HERC2: variants seen among roughly 807,000 people sequenced by gnomAD.
HERC2 encodes the protein HECT and RLD domain containing E3 ubiquitin protein ligase 2, also known as E3 ubiquitin-protein ligase HERC2.
HERC2 carries 102 observed loss-of-function variants against 537.7 expected under a neutral mutation model. The ratio of observed to expected loss-of-function variants is 0.19; its 90% CI spans 0.16 to 0.22. The LOEUF (loss-of-function observed/expected upper bound fraction) is 0.22, where lower values mean the gene tolerates loss of function less well. Among genes scored for constraint, HERC2 ranks in the 10% least tolerant of loss-of-function variants. The pLI is 1.00. For missense variants in HERC2, 4,236 were observed against 6,198.2 expected, an observed-to-expected ratio of 0.68 and a Z score of 10.63; for synonymous variants, 2,224 against 2,466.2, an observed-to-expected ratio of 0.90 and a Z score of 2.91.
At chr15:28,159,744 TCTC>T (rs1417757756) in intron 69 of HERC2, among the ~76,000 whole-genome samples, 1 of 152,226 alleles carries the variant, frequency 6.6e-6, no homozygotes, top group Non-Finnish European at 1.5e-5. Context: ...TCAAAGTCAT[TCTC>T]CTTCCAGCTT....
chr15:28,271,915 C>T, intron 9 of HERC2: 1 of 405,312 alleles, frequency 2.5e-6, no homozygotes, highest in Non-Finnish European at 4.4e-6. Flanking sequence ...TGCACAGAGC[C>T]CAGTACATAG....
intron 26 of HERC2, among the ~76,000 whole-genome samples, chr15:28,235,979 A>AGT (rs1185235117): frequency 6.6e-6 from 1 of 152,216 alleles, no homozygotes; most frequent in Non-Finnish European, 1.5e-5. Context: ...ATCCTGAAAT[A>AGT]TAACTGACTT....
In HERC2 at chr15:28,229,507, C is replaced by T. The variant is rs370408128; in HGVS notation, c.5073G>A (p.Ala1691=). The part of the protein sequence containing the change: ...KNFLLPSVQY[A]MFCGWQRLIP... ...TAAGTCTTTGCCATCCACAAAACAT[C>T]GCATACTGCACAGATGGAAGTAAGA... Residue 1691 remains alanine (A), a synonymous_variant, in exon 33 of 93, where the codon GCG becomes GCA. Coordinates refer to ENST00000261609, the MANE Select transcript of HERC2 (RefSeq NM_004667.6). The T allele has an allele frequency of 1.7e-5, 27 of 1,613,780 alleles. No individual in the cohort carries two copies. The highest frequency in any genetic ancestry group is 1.1e-4 in the East Asian group (5 of 44,886).
chr15:28,197,992 A>G (rs1897514456), intron 50 of HERC2, among the ~76,000 whole-genome samples: 1 of 152,162 alleles, frequency 6.6e-6, no homozygotes, highest in Non-Finnish European at 1.5e-5. Context: ...ACCAATCATG[A>G]CGTTAGCATG....
Position 28,184,689 on chromosome 15 carries a change from G to A in HERC2, c.8825+1888C>T, listed in dbSNP as rs575610570. Among the ~76,000 whole-genome samples, 27 of 151,618 alleles carry A rather than the reference G, an allele frequency of 1.8e-4. No homozygotes were observed. The East Asian group carries it at 4.0e-3, about 22-fold the overall frequency. On this transcript the variant is annotated intron_variant, in intron 56 of 92. Coordinates refer to ENST00000261609, the MANE Select transcript of HERC2 (RefSeq NM_004667.6). ...ATCCTGGCTAACACGGTGAAAGCCC[G>A]TCTCTACTAAAAATACAAAAAAATT...
chr15:28,178,930 T>C lies in HERC2; in HGVS notation c.9120A>G (p.Thr3040=). Residue 3040 remains threonine (T), a synonymous_variant, in exon 59 of 93, where the codon ACA becomes ACG. Transcript: ENST00000261609. ...TCTTGACCACGTAGCTGCTGAGAGCTGTGATCTGCCGTGGGATGGGCACCG... is the reference window on the plus strand; with the variant it reads ...TCTTGACCACGTAGCTGCTGAGAGCCGTGATCTGCCGTGGGATGGGCACCG... ...SGTVPIPRQI[T]ALSSYVVKKV... is the part of the protein sequence containing the mutation. 3 of 1,614,172 alleles carry C rather than the reference T, an allele frequency of 1.9e-6. No homozygotes were observed. The highest frequency in any genetic ancestry group is 2.5e-6 in the Non-Finnish European group (3 of 1,180,038).
At chr15:28,287,254 TAG>T (rs2076180888) in intron 4 of HERC2, among the ~76,000 whole-genome samples, 1 of 152,130 alleles carries the variant, frequency 6.6e-6, no homozygotes. Context: ...ATGAAAGGAA[TAG>T]GAGCTATTCT....
At chr15:28,301,663 A>G (rs1449956175) in intron 2 of HERC2, among the ~76,000 whole-genome samples, 1 of 145,164 alleles carries the variant, frequency 6.9e-6, no homozygotes, top group Non-Finnish European at 1.5e-5. Context: ...TTTTAATTAA[A>G]AGAGACACAG....
At chr15:28,232,143 A>C (rs1411189820) in intron 30 of HERC2, among the ~76,000 whole-genome samples, 5 of 152,212 alleles carry the variant, frequency 3.3e-5, no homozygotes, top group African/African-American at 1.2e-4. Flanking sequence ...GGCTTCTAAC[A>C]CACTTTAGTC....
rs141677977 is a variant in HERC2, at chr15:28,272,230, G to A, written c.1068C>T (p.Ser356=). 18 of 1,603,092 alleles carry A rather than the reference G, an allele frequency of 1.1e-5. No individual in the cohort carries two copies. The highest frequency in any genetic ancestry group is 4.0e-5 in the African/African-American group (3 of 74,504). ...SIICRKDAPH[S]EGDMHLLSGP... is the part of the protein sequence containing the mutation. ...TGACACTCACGTGCATGTCGCCCTC[G>A]GAGTGGGGTGCATCCTTCCTGCAAA... The change falls in exon 9 of 93, where the codon TCC becomes TCT. Residue 356 remains serine (S), a synonymous_variant. Transcript: ENST00000261609.
chr15:28,157,808 C>T (rs555474303), intron 69 of HERC2, among the ~76,000 whole-genome samples: 13 of 152,186 alleles, frequency 8.5e-5, no homozygotes, highest in African/African-American at 2.9e-4. Flanking sequence ...GCTCTTGCTT[C>T]TCTAGTTCTT....
At chr15:28,137,120 G>A (rs560429599) in intron 78 of HERC2, among the ~76,000 whole-genome samples, 25 of 152,170 alleles carry the variant, frequency 1.6e-4, no homozygotes, top group African/African-American at 5.8e-4. Context: ...ATTGGGAGGA[G>A]GGGAAAATAC....
chr15:28,243,001 G>A (rs142063906), intron 23 of HERC2, among the ~76,000 whole-genome samples: 60 of 152,270 alleles, frequency 3.9e-4, no homozygotes, highest in African/African-American at 1.4e-3. Context: ...AAAAAGGCAA[G>A]GAGGTACACT....
intron 56 of HERC2, 57 bp from the exon 57 acceptor site, chr15:28,182,569 T>C (rs990677694): frequency 3.1e-6 from 4 of 1,311,390 alleles, no homozygotes; most frequent in Non-Finnish European, 4.3e-6. Context: ...GCATAAAACA[T>C]TTAAAAAATA....
At chr15:28,189,413 G>A (rs1566988320) in intron 55 of HERC2, among the ~76,000 whole-genome samples, 1 of 152,184 alleles carries the variant, frequency 6.6e-6, no homozygotes, top group Non-Finnish European at 1.5e-5. Flanking sequence ...TGTAACTAAG[G>A]CACTCTACAG....
At chr15:28,231,146 A>G (rs573221538) in intron 30 of HERC2, among the ~76,000 whole-genome samples, 2 of 152,226 alleles carry the variant, frequency 1.3e-5, no homozygotes, top group Admixed American at 1.3e-4. Context: ...CTCTTTTAAA[A>G]TTTTTGGTCT....
chr15:28,321,148 G>A (rs2077217731), intron 2 of HERC2, among the ~76,000 whole-genome samples: 1 of 152,144 alleles, frequency 6.6e-6, no homozygotes, highest in Non-Finnish European at 1.5e-5. Context: ...CAAGTTTCGT[G>A]CACTTGCAAG....
intron 71 of HERC2, among the ~76,000 whole-genome samples, chr15:28,145,537 T>G (rs1023143416): frequency 1.2e-4 from 18 of 152,194 alleles, no homozygotes; most frequent in African/African-American, 4.3e-4. Flanking sequence ...ACCATACCAT[T>G]TCATGCAAAG....
intron 22 of HERC2, 26 bp downstream of exon 22, chr15:28,246,716 G>C (rs1903746380): frequency 6.5e-7 from 1 of 1,534,646 alleles, no homozygotes; most frequent in Non-Finnish European, 8.8e-7. Context: ...AAATAAACAT[G>C]TACACAAGCA....
Sources: allele counts gnomAD v4.1 joint callset (sites outside exome capture counted in the v4.1 genomes callset), GRCh38; gene constraint gnomAD v4.1.1; transcripts MANE v1.5; gene names NCBI Gene and HGNC (gene_info 2026-07-23, HGNC 2026-07-21).